The following ATP2B2 variants were observed in gnomAD, a reference collection of about 807,000 sequenced individuals.
ATP2B2 encodes the protein ATPase plasma membrane Ca2+ transporting 2.
In ATP2B2, 15 loss-of-function variants were observed where a neutral mutation model predicts 120.0. The observed-to-expected ratio is 0.12, with a 90% CI of 0.08 to 0.19. ATP2B2 has a LOEUF of 0.19. Ranked by LOEUF, ATP2B2 falls within the 10% of genes least tolerant of loss-of-function variation. The pLI, the probability that ATP2B2 is intolerant of heterozygous loss-of-function variation, is 1.00. For missense variants in ATP2B2, 1,045 were observed against 1,719.8 expected, an observed-to-expected ratio of 0.61 and a Z score of 6.94; for synonymous variants, 694 against 700.3, an observed-to-expected ratio of 0.99 and a Z score of 0.14.
chr3:10,579,058 T>A (rs1252533740), intron 2 of ATP2B2, among the ~76,000 whole-genome samples: 1 of 152,164 alleles, frequency 6.6e-6, no homozygotes, highest in African/African-American at 2.4e-5. Context: ...TGTGCAGTTT[T>A]ACTCAATGAG....
At position 10,501,823 on chromosome 3, in the gene ATP2B2, G is replaced by A. The variant is rs560824530; in HGVS notation, c.-320+3642C>T. ...CAGCATGGTGTCTAGGCCACCCCCA[G>A]CTCTGAGCGCCTATGTGCTCCACCA... On this transcript the variant is annotated intron_variant, in intron 1 of 22. Coordinates refer to ENST00000360273, the MANE Select transcript of ATP2B2 (RefSeq NM_001001331.4). 5.6e-4 allele frequency among the ~76,000 whole-genome samples: 86 copies of A among 152,244 alleles called. 1 individual carries two copies. In the South Asian group the frequency reaches 0.017, roughly 30 times the overall value.
At chr3:10,522,255 G>A (rs1275070926) in intron 3 of ATP2B2, among the ~76,000 whole-genome samples, 1 of 152,170 alleles carries the variant, frequency 6.6e-6, no homozygotes, top group Non-Finnish European at 1.5e-5. Context: ...TTCAGTACGT[G>A]TGTATTGCCT....
At position 10,369,645 on chromosome 3, in the gene ATP2B2, C is replaced by T. The variant is rs7653666; in HGVS notation, c.1659+2164G>A. On this transcript the variant is annotated intron_variant, in intron 12 of 22. Coordinates refer to ENST00000360273, the MANE Select transcript of ATP2B2 (RefSeq NM_001001331.4). Reference sequence around the variant, plus strand: ...CTGAATAACAACAATACTAGTCATACTGAGTGCTGTGTGCCGAGCACTTTC... The same window carrying T: ...CTGAATAACAACAATACTAGTCATATTGAGTGCTGTGTGCCGAGCACTTTC... 7.7e-3 allele frequency among the ~76,000 whole-genome samples: 1,169 copies of T among 152,316 alleles called. 12 individuals carry two copies. The highest frequency in any genetic ancestry group is 0.027 in the African/African-American group (1,120 of 41,560).
At position 10,342,947 on chromosome 3, in the gene ATP2B2, C is replaced by T. The variant is rs1273658754; in HGVS notation, c.2722G>A (p.Val908Met). Reference sequence around the variant, plus strand: ...ATGAGGTTCACCCAGAGCATCTGCACGGCCTTCAGAGGGGAGTCCTGGGGA... The same window carrying T: ...ATGAGGTTCACCCAGAGCATCTGCATGGCCTTCAGAGGGGAGTCCTGGGGA... Reference protein sequence around the residue: ...CITQDSPLKAVQMLWVNLIMD... With the variant: ...CITQDSPLKAMQMLWVNLIMD... The change falls in exon 19 of 23, where the codon GTG (valine) becomes ATG (methionine). Residue 908 changes from valine (V) to methionine (M), a missense_variant. By Grantham distance (21) the Val-to-Met change is conservative. Coordinates refer to ENST00000360273, the MANE Select transcript of ATP2B2 (RefSeq NM_001001331.4). This position sits in a 1 kb window ranked among gnomAD's most constrained non-coding sequence, Gnocchi z 4.4. The T allele has an allele frequency of 6.2e-7, 1 of 1,613,812 alleles. No individual in the cohort carries two copies.
chr3:10,617,937 G>A (rs1038138323), intron 2 of ATP2B2, among the ~76,000 whole-genome samples: 1 of 152,000 alleles, frequency 6.6e-6, no homozygotes, highest in African/African-American at 2.4e-5. Flanking sequence ...CCTTATCGCT[G>A]TGTTGACCCC....
chr3:10,419,856 C>A (rs1323634689), intron 2 of ATP2B2, among the ~76,000 whole-genome samples: 2 of 152,184 alleles, frequency 1.3e-5, no homozygotes, highest in Admixed American at 6.5e-5. Flanking sequence ...CCACAGTGAC[C>A]CTATCTGGTG....
rs2059870538 is a variant in ATP2B2, at chr3:10,327,048, G to A, written c.*1766C>T. 2.5e-6 allele frequency: 1 copy of A among 394,838 alleles called. No individual in the cohort carries two copies. Among genetic ancestry groups the A allele is most frequent in the South Asian group, 1.4e-4 (1 of 6,990 alleles). 24.5% of individuals were successfully genotyped at this position (394,838 alleles called of 1,614,324 possible). On this transcript the variant is annotated 3_prime_UTR_variant, in exon 23 of 23. Transcript: ENST00000360273. ...TGGTATTCAAAATGTCTTTTGCACT[G>A]TACAAGTTTATGGAAAAAAGATCAT...
At chr3:10,465,657 C>T (rs1257040603) in intron 1 of ATP2B2, among the ~76,000 whole-genome samples, 2 of 152,234 alleles carry the variant, frequency 1.3e-5, no homozygotes, top group Non-Finnish European at 2.9e-5. Context: ...CTCCCTGCCC[C>T]TGTAGATATT....
chr3:10,546,411 C>CA (rs2067548319), intron 2 of ATP2B2, among the ~76,000 whole-genome samples: 2 of 152,196 alleles, frequency 1.3e-5, no homozygotes, highest in African/African-American at 4.8e-5. Flanking sequence ...CCCTTGGGCC[C>CA]ACCCTGCCCA....
chr3:10,410,891 A>G (rs2062588620), intron 2 of ATP2B2, 76 bp from the exon 3 acceptor site: 1 of 1,537,438 alleles, frequency 6.5e-7, no homozygotes, highest in Non-Finnish European at 8.9e-7. Context: ...TAGGGGCAGA[A>G]AAGGAGAAAC....
chr3:10,634,203 T>A (rs1255801320), intron 1 of ATP2B2, among the ~76,000 whole-genome samples: 2 of 152,234 alleles, frequency 1.3e-5, no homozygotes, highest in Non-Finnish European at 2.9e-5. Context: ...TATTACTTTA[T>A]TACTTTCAAT....
At chr3:10,624,248 T>C (rs1203346792) in intron 1 of ATP2B2, among the ~76,000 whole-genome samples, 1 of 152,232 alleles carries the variant, frequency 6.6e-6, no homozygotes, top group Non-Finnish European at 1.5e-5. Context: ...CTCAGGTACC[T>C]TCCTGCTCTG....
chr3:10,606,186 G>T (rs946936269), intron 2 of ATP2B2, among the ~76,000 whole-genome samples: 1 of 152,124 alleles, frequency 6.6e-6, no homozygotes, highest in Non-Finnish European at 1.5e-5. Flanking sequence ...GAGGAGTTCA[G>T]TGTTCAATCT....
chr3:10,529,534 T>C (rs1365048910), intron 3 of ATP2B2, among the ~76,000 whole-genome samples: 1 of 152,234 alleles, frequency 6.6e-6, no homozygotes, highest in African/African-American at 2.4e-5. Context: ...CAGTGATTTT[T>C]AGAAGGATGT....
chr3:10,550,648 G>A (rs533126484), intron 2 of ATP2B2, among the ~76,000 whole-genome samples: 6 of 152,116 alleles, frequency 3.9e-5, no homozygotes, highest in Non-Finnish European at 7.3e-5. Context: ...TCCATTTCAC[G>A]GGAACCCTGT....
At chr3:10,675,103 C>T (rs2071208464) in intron 1 of ATP2B2, among the ~76,000 whole-genome samples, 1 of 152,212 alleles carries the variant, frequency 6.6e-6, no homozygotes, top group Admixed American at 6.5e-5. Flanking sequence ...AAGAACTCTA[C>T]ATAGGCGATG....
chr3:10,344,804 T>A (rs1274886470), intron 18 of ATP2B2, among the ~76,000 whole-genome samples: 1 of 152,180 alleles, frequency 6.6e-6, no homozygotes, highest in Admixed American at 6.5e-5. Flanking sequence ...ATCTGGGGCC[T>A]GCCTGCCAGG....
chr3:10,413,029 T>C (rs2062663579), intron 2 of ATP2B2, among the ~76,000 whole-genome samples: 1 of 152,232 alleles, frequency 6.6e-6, no homozygotes. Context: ...ATGTGGCTGA[T>C]GGGACCTCAT....
intron 3 of ATP2B2, among the ~76,000 whole-genome samples, chr3:10,514,194 T>C (rs975897354): frequency 6.6e-6 from 1 of 152,188 alleles, no homozygotes; most frequent in African/African-American, 2.4e-5. Context: ...AGCTGGCTCC[T>C]TAGTCCCTGC....
Sources: gnomAD v4.1 joint callset for allele counts (sites outside exome capture counted in the v4.1 genomes callset) on GRCh38, gnomAD v4.1.1 for gene constraint, Gnocchi (gnomAD v3.1) non-coding constraint, MANE v1.5 for transcripts, NCBI Gene and HGNC (gene_info 2026-07-23, HGNC 2026-07-21) for gene names.